THADA: variants seen among roughly 807,000 people sequenced by gnomAD.
The protein encoded by THADA is THADA armadillo repeat containing, also known as tRNA (32-2'-O)-methyltransferase regulator THADA.
Under a neutral mutation model 219.8 loss-of-function variants are expected in THADA, and 213 were observed. That is an observed-to-expected ratio of 0.97 (90% CI 0.87 to 1.09). The LOEUF (loss-of-function observed/expected upper bound fraction) is 1.09. Ranked by LOEUF, THADA falls within the 50% of genes least tolerant of loss-of-function variation. The pLI, the probability that THADA is intolerant of heterozygous loss-of-function variation, is 0.00. For synonymous variants in THADA, 1,018 were observed against 828.9 expected (o/e 1.23, Z -3.92); for missense variants, 2,956 against 2,311.3 (o/e 1.28, Z -5.72).
rs117692456 is a variant in THADA at position 43,270,498 on chromosome 2, A to G, written c.5296+9267T>C. ...CAACAGTGAGTTTAGAAGACCTTCA[A>G]TGCACCCCTTTCTCTTAACTCCTGG... On this transcript the variant is annotated intron_variant, in intron 36 of 37. Coordinates refer to ENST00000405975, the MANE Select transcript of THADA (RefSeq NM_022065.5). 3.1e-3 allele frequency among the ~76,000 whole-genome samples: 476 copies of G among 152,228 alleles called. 15 individuals are homozygous for G. In the East Asian group the frequency reaches 0.081, roughly 26 times the overall value.
At chr2:43,257,205 CAG>C (rs1158247290) in intron 36 of THADA, among the ~76,000 whole-genome samples, 2 of 152,226 alleles carry the variant, frequency 1.3e-5, no homozygotes, top group Admixed American at 1.3e-4. Flanking sequence ...GCTTCTAACA[CAG>C]GGGGACGTCA....
intron 30 of THADA, among the ~76,000 whole-genome samples, chr2:43,337,786 G>A (rs1468652858): frequency 2.6e-5 from 4 of 151,976 alleles, no homozygotes; most frequent in Non-Finnish European, 4.4e-5. Flanking sequence ...GAAACAAACT[G>A]TATGCCAGCA....
At chr2:43,380,938 A>T (rs1387690443) in intron 29 of THADA, among the ~76,000 whole-genome samples, 1 of 152,002 alleles carries the variant, frequency 6.6e-6, no homozygotes, top group African/African-American at 2.4e-5. Context: ...GTCTCTACGA[A>T]AAATACAAAA....
At chr2:43,303,330 G>C (rs902839426) in intron 31 of THADA, among the ~76,000 whole-genome samples, 2 of 152,174 alleles carry the variant, frequency 1.3e-5, no homozygotes, top group Non-Finnish European at 2.9e-5. Flanking sequence ...GTTAACTTTA[G>C]ATATCAAAAC....
intron 29 of THADA, among the ~76,000 whole-genome samples, chr2:43,397,061 CAAAA>C (rs1039571811): frequency 6.6e-6 from 1 of 152,054 alleles, no homozygotes; most frequent in Non-Finnish European, 1.5e-5. Flanking sequence ...ATCCTTATTT[CAAAA>C]ATGAAGACAT....
At chr2:43,344,029 T>C (rs1667350028) in intron 30 of THADA, 93 bp downstream of exon 30, 2 of 880,492 alleles carry the variant, frequency 2.3e-6, no homozygotes, top group Non-Finnish European at 3.6e-6. Context: ...CTCATGCCAA[T>C]GACTTTTAAA....
chr2:43,390,438 C>G (rs1209799575), intron 29 of THADA, among the ~76,000 whole-genome samples: 1 of 152,040 alleles, frequency 6.6e-6, no homozygotes, highest in Non-Finnish European at 1.5e-5. Context: ...ATATGTCTAC[C>G]CTTTACCTTT....
At chr2:43,560,886 A>G (rs1427943776) in intron 15 of THADA, among the ~76,000 whole-genome samples, 1 of 151,950 alleles carries the variant, frequency 6.6e-6, no homozygotes, top group Non-Finnish European at 1.5e-5. Flanking sequence ...GCATAGTGGC[A>G]CACGACTGTA....
intron 30 of THADA, among the ~76,000 whole-genome samples, chr2:43,331,151 C>T (rs1241364752): frequency 1.3e-5 from 2 of 152,184 alleles, no homozygotes; most frequent in Non-Finnish European, 2.9e-5. Context: ...TCCACATAAG[C>T]TTGTTTGAAG....
At chr2:43,462,366 T>G (rs1339119674) in intron 26 of THADA, among the ~76,000 whole-genome samples, 2 of 152,138 alleles carry the variant, frequency 1.3e-5, no homozygotes, top group African/African-American at 4.8e-5. Context: ...CCTGAAATAG[T>G]AAGGTGAACT....
chr2:43,306,239 T>C (rs1410817115), intron 31 of THADA, among the ~76,000 whole-genome samples: 2 of 152,160 alleles, frequency 1.3e-5, no homozygotes, highest in African/African-American at 4.8e-5. Flanking sequence ...CTTGAACTCC[T>C]GGGCTCAAGC....
At chr2:43,390,196 C>T (rs1249212380) in intron 29 of THADA, among the ~76,000 whole-genome samples, 8 of 152,196 alleles carry the variant, frequency 5.3e-5, no homozygotes, top group South Asian at 2.1e-4. Context: ...ACGGTATTCA[C>T]GGTGATTCCA....
At chr2:43,538,260 C>T (rs540655612) in intron 21 of THADA, among the ~76,000 whole-genome samples, 23 of 152,318 alleles carry the variant, frequency 1.5e-4, no homozygotes, top group African/African-American at 5.1e-4. Flanking sequence ...AAACTCCACA[C>T]ACATCAACTA....
chr2:43,546,268 C>T (rs181662419), intron 20 of THADA, among the ~76,000 whole-genome samples: 2 of 152,040 alleles, frequency 1.3e-5, no homozygotes, highest in African/African-American at 4.8e-5. Flanking sequence ...TTTACATTTG[C>T]TGAGGAGAGC....
intron 25 of THADA, chr2:43,492,330 A>T (rs1302960924): frequency 1.3e-5 from 2 of 151,216 alleles, no homozygotes; most frequent in African/African-American, 4.9e-5. Context: ...AAAAAAAAAT[A>T]CAGAACAGTT....
At chr2:43,341,155 G>T (rs994932369) in intron 30 of THADA, among the ~76,000 whole-genome samples, 27 of 152,280 alleles carry the variant, frequency 1.8e-4, no homozygotes, top group African/African-American at 6.5e-4. Context: ...GCAAAAGGAA[G>T]CCTGGTGTTA....
chr2:43,566,536 C>G, intron 15 of THADA, 162 bp downstream of exon 15: 1 of 828,714 alleles, frequency 1.2e-6, no homozygotes, highest in Non-Finnish European at 2.1e-6. Context: ...CTCTTCTGTC[C>G]TTTACTAGCA....
intron 28 of THADA, among the ~76,000 whole-genome samples, chr2:43,399,644 A>G (rs1268943470): frequency 6.6e-6 from 1 of 152,134 alleles, no homozygotes; most frequent in African/African-American, 2.4e-5. Flanking sequence ...CAGGATGGAG[A>G]AGAGGTCACC....
rs569242701 is a variant in THADA, at chr2:43,479,286, G to T, written c.3836+5948C>A. On this transcript the variant is annotated intron_variant, in intron 26 of 37. Transcript: ENST00000405975. Reference sequence around the variant, plus strand: ...TTAAAATGTTTTAGTTGAGCTTATTGTGAACTAAAAATAACCATTAAATTC... The same window carrying T: ...TTAAAATGTTTTAGTTGAGCTTATTTTGAACTAAAAATAACCATTAAATTC... Among the ~76,000 whole-genome samples, 3 of 152,176 alleles carry T rather than the reference G, an allele frequency of 2.0e-5. No individual in the cohort carries two copies. The East Asian group carries it at 5.8e-4, about 29-fold the overall frequency.
Sources: allele counts gnomAD v4.1 joint callset (sites outside exome capture counted in the v4.1 genomes callset), GRCh38; gene constraint gnomAD v4.1.1; transcripts MANE v1.5; gene names NCBI Gene and HGNC (gene_info 2026-07-23, HGNC 2026-07-21).